FSTL5: variants seen among roughly 807,000 people sequenced by gnomAD.
FSTL5 encodes the protein follistatin-related protein 5.
In FSTL5, 62 loss-of-function variants were observed where a neutral mutation model predicts 89.1. The observed-to-expected ratio is 0.70, with a 90% CI of 0.57 to 0.86. FSTL5 has a LOEUF of 0.86. Ranked by LOEUF, FSTL5 falls within the 40% of genes least tolerant of loss-of-function variation. The pLI is 0.00. For synonymous variants in FSTL5, 383 were observed against 346.2 expected (o/e 1.11, Z -1.18); for missense variants, 1,057 against 1,001.6 (o/e 1.06, Z -0.75).
At chr4:161,945,366 A>G (rs928167391) in intron 3 of FSTL5, among the ~76,000 whole-genome samples, 9 of 152,186 alleles carry the variant, frequency 5.9e-5, no homozygotes, top group African/African-American at 2.2e-4. Flanking sequence ...GACGGCACAT[A>G]AGGATTTGAC....
intron 6 of FSTL5, among the ~76,000 whole-genome samples, chr4:161,666,598 G>A (rs115247469): frequency 0.021 from 3,221 of 152,158 alleles, 128 homozygotes; most frequent in South Asian, 0.18. Context: ...GTTATAAAGC[G>A]ATAACAGAAG....
At chr4:161,572,090 A>G (rs971712595) in intron 8 of FSTL5, among the ~76,000 whole-genome samples, 10 of 151,988 alleles carry the variant, frequency 6.6e-5, no homozygotes, top group Non-Finnish European at 1.3e-4. Context: ...CGGGTGGATC[A>G]CCTGGGGTCA....
chr4:161,950,379 T>A (rs531710634), intron 3 of FSTL5, among the ~76,000 whole-genome samples: 1 of 152,302 alleles, frequency 6.6e-6, no homozygotes, highest in South Asian at 2.1e-4. Flanking sequence ...TCTGCTGTCC[T>A]GAGCAATTAT....
At chr4:161,678,498 T>C (rs931513675) in intron 6 of FSTL5, among the ~76,000 whole-genome samples, 1 of 151,824 alleles carries the variant, frequency 6.6e-6, no homozygotes, top group Non-Finnish European at 1.5e-5. Flanking sequence ...ACTGAAAATA[T>C]AGAAAAAGAA....
intron 3 of FSTL5, among the ~76,000 whole-genome samples, chr4:161,941,615 T>C (rs1578879029): frequency 6.6e-6 from 1 of 152,034 alleles, no homozygotes; most frequent in Admixed American, 6.6e-5. Context: ...TACAAACATA[T>C]ATGCACCAAA....
chr4:161,553,337 T>C (rs569807585), intron 8 of FSTL5, among the ~76,000 whole-genome samples: 1 of 151,548 alleles, frequency 6.6e-6, no homozygotes, highest in East Asian at 1.9e-4. Context: ...TCTACAAAAA[T>C]GTAATCAAGT....
At chr4:161,730,451 T>C (rs1223134235) in intron 6 of FSTL5, among the ~76,000 whole-genome samples, 1 of 151,954 alleles carries the variant, frequency 6.6e-6, no homozygotes, top group Non-Finnish European at 1.5e-5. Flanking sequence ...TAACATAGAA[T>C]TATTTATTTA....
At chr4:161,437,573 A>AAAAAAAAAAAAAAAAAAAAACAAACAAAC (rs1553986241) in intron 15 of FSTL5, among the ~76,000 whole-genome samples, 1 of 149,102 alleles carries the variant, frequency 6.7e-6, no homozygotes, top group East Asian at 2.1e-4. Flanking sequence ...CTCAAAAAAA[A>AAAAAAAAAAAAAAAAAAAAACAAACAAAC]AAAAAAAAAC....
chr4:161,675,151 A>G (rs1381985958), intron 6 of FSTL5, among the ~76,000 whole-genome samples: 1 of 152,176 alleles, frequency 6.6e-6, no homozygotes, highest in East Asian at 1.9e-4. Flanking sequence ...TAAAAACTAA[A>G]AAACGTAACA....
chr4:161,830,865 GTTAGAA>G (rs1730822229), intron 4 of FSTL5, among the ~76,000 whole-genome samples: 2 of 152,040 alleles, frequency 1.3e-5, no homozygotes, highest in African/African-American at 4.8e-5. Flanking sequence ...GTTGGAAGGT[GTTAGAA>G]TTAGAACGTA....
At chr4:161,475,559 A>G (rs1351276727) in intron 13 of FSTL5, among the ~76,000 whole-genome samples, 2 of 151,968 alleles carry the variant, frequency 1.3e-5, no homozygotes, top group East Asian at 3.8e-4. Flanking sequence ...TTTTCATTTC[A>G]ATTATTGTAC....
intron 3 of FSTL5, among the ~76,000 whole-genome samples, chr4:161,968,507 T>C (rs1040077957): frequency 6.6e-6 from 1 of 152,168 alleles, no homozygotes; most frequent in South Asian, 2.1e-4. Flanking sequence ...TATAAAATGT[T>C]ATTTTTATCA....
At chr4:161,917,159 A>C (rs1417916389) in intron 4 of FSTL5, among the ~76,000 whole-genome samples, 1 of 152,064 alleles carries the variant, frequency 6.6e-6, no homozygotes, top group East Asian at 1.9e-4. Flanking sequence ...GGTTTCACCA[A>C]GTTGGCCGGG....
At chr4:162,157,272 C>T (rs1270699602) in intron 1 of FSTL5, among the ~76,000 whole-genome samples, 1 of 151,574 alleles carries the variant, frequency 6.6e-6, no homozygotes, top group Non-Finnish European at 1.5e-5. Flanking sequence ...AATTTTTAGA[C>T]CAAAGTAAAT....
chr4:161,772,945 A>G (rs1234822987), intron 5 of FSTL5, among the ~76,000 whole-genome samples: 7 of 152,278 alleles, frequency 4.6e-5, no homozygotes, highest in Non-Finnish European at 2.9e-5. Context: ...ATTTCATACT[A>G]TACTATAAGG....
chr4:161,396,998 T>A (rs1268477469), intron 15 of FSTL5, among the ~76,000 whole-genome samples: 1 of 152,114 alleles, frequency 6.6e-6, no homozygotes, highest in Non-Finnish European at 1.5e-5. Flanking sequence ...AATCAAAAGA[T>A]CAGTTACTTA....
intron 7 of FSTL5, among the ~76,000 whole-genome samples, chr4:161,619,387 A>C (rs1735023722): frequency 6.6e-6 from 1 of 152,250 alleles, no homozygotes. Flanking sequence ...AGAAACTACC[A>C]TCAGAGTGAA....
intron 4 of FSTL5, among the ~76,000 whole-genome samples, chr4:161,829,140 T>TATATATATAG (rs1730761797): frequency 5.7e-4 from 1 of 1,758 alleles, no homozygotes; most frequent in East Asian, 0.12. Flanking sequence ...AGTCACATTT[T>TATATATATAG]ATATATATAT....
At chr4:161,770,595 A>G (rs921056461) in intron 5 of FSTL5, among the ~76,000 whole-genome samples, 9 of 151,950 alleles carry the variant, frequency 5.9e-5, no homozygotes, top group Admixed American at 4.6e-4. Context: ...AATATAACTA[A>G]TGAAAATATA....
Sources: allele counts gnomAD v4.1 joint callset (sites outside exome capture counted in the v4.1 genomes callset), GRCh38; gene constraint gnomAD v4.1.1; transcripts MANE v1.5; gene names NCBI Gene and HGNC (gene_info 2026-07-23, HGNC 2026-07-21).